Variants in KCNQ5 observed in about 807,000 individuals in gnomAD.
KCNQ5 encodes the protein potassium voltage-gated channel subfamily Q member 5.
Under a neutral mutation model 98.2 loss-of-function variants are expected in KCNQ5, and 30 were observed. The observed-to-expected ratio is 0.31, with a 90% CI of 0.23 to 0.41. The LOEUF (loss-of-function observed/expected upper bound fraction) is 0.41. Ranked by LOEUF, KCNQ5 falls within the 10% of genes least tolerant of loss-of-function variation. KCNQ5 has a pLI of 1.00. For synonymous variants in KCNQ5, 458 were observed against 449.4 expected, an observed-to-expected ratio of 1.02 and a Z score of -0.24; for missense variants, 835 against 1,182.5, an observed-to-expected ratio of 0.71 and a Z score of 4.31.
chr6:72,805,681 A>C (rs2150098480), intron 1 of KCNQ5, among the ~76,000 whole-genome samples: 1 of 152,110 alleles, frequency 6.6e-6, no homozygotes, highest in South Asian at 2.1e-4. Flanking sequence ...TAAATTTTAG[A>C]ATTGTTCTTT....
chr6:73,104,065 G>T (rs189146796), intron 5 of KCNQ5, among the ~76,000 whole-genome samples: 1 of 151,866 alleles, frequency 6.6e-6, no homozygotes, highest in Non-Finnish European at 1.5e-5. Context: ...GCTCACTTTT[G>T]CCACTTCTAT....
chr6:72,890,643 A>G (rs560843694), intron 1 of KCNQ5, among the ~76,000 whole-genome samples: 2 of 152,324 alleles, frequency 1.3e-5, no homozygotes, highest in East Asian at 1.9e-4. Flanking sequence ...GATCAAAACC[A>G]TCTTGCCGAG....
chr6:72,874,426 C>T (rs1778326518), intron 1 of KCNQ5, among the ~76,000 whole-genome samples: 1 of 152,070 alleles, frequency 6.6e-6, no homozygotes, highest in Admixed American at 6.6e-5. Flanking sequence ...GATGGTCTAT[C>T]TACATAAATA....
intron 1 of KCNQ5, among the ~76,000 whole-genome samples, chr6:72,890,376 A>C (rs1475891360): frequency 6.6e-6 from 1 of 152,204 alleles, no homozygotes; most frequent in Non-Finnish European, 1.5e-5. Context: ...TATATTGTAC[A>C]GCAGATCTCT....
chr6:73,006,138 C>T (rs1377232081), intron 2 of KCNQ5, among the ~76,000 whole-genome samples: 1 of 152,080 alleles, frequency 6.6e-6, no homozygotes, highest in Non-Finnish European at 1.5e-5. Context: ...TTGGAAAAGT[C>T]AATCATTAAG....
chr6:73,163,133 T>C (rs1350168221), intron 10 of KCNQ5, among the ~76,000 whole-genome samples: 1 of 152,188 alleles, frequency 6.6e-6, no homozygotes, highest in Non-Finnish European at 1.5e-5. Flanking sequence ...CTCACACCTG[T>C]AATTCCACAA....
At chr6:72,717,904 C>A (rs1769729916) in intron 1 of KCNQ5, among the ~76,000 whole-genome samples, 1 of 152,140 alleles carries the variant, frequency 6.6e-6, no homozygotes, top group African/African-American at 2.4e-5. Flanking sequence ...ATTCACTCAG[C>A]TTTTACGGTA....
chr6:73,117,371 C>T (rs958737707), intron 7 of KCNQ5, among the ~76,000 whole-genome samples: 3 of 152,196 alleles, frequency 2.0e-5, no homozygotes, highest in Admixed American at 2.0e-4. Context: ...GCCACCTGCA[C>T]CTTCCATACC....
At chr6:72,672,629 T>G (rs761212002) in intron 1 of KCNQ5, among the ~76,000 whole-genome samples, 5 of 152,094 alleles carry the variant, frequency 3.3e-5, no homozygotes, top group Non-Finnish European at 7.4e-5. Context: ...CTCCTGGGGC[T>G]TCAATTTCCT....
chr6:73,088,564 T>TA (rs1322546183), intron 5 of KCNQ5, among the ~76,000 whole-genome samples: 1 of 152,214 alleles, frequency 6.6e-6, no homozygotes, highest in East Asian at 1.9e-4. Flanking sequence ...TAATCTCAGT[T>TA]ATGCACATAG....
At chr6:72,760,515 G>A (rs1772215010) in intron 1 of KCNQ5, among the ~76,000 whole-genome samples, 1 of 151,738 alleles carries the variant, frequency 6.6e-6, no homozygotes, top group Admixed American at 6.6e-5. Flanking sequence ...GCCTGTGCAT[G>A]GGGTGAGGGG....
intron 1 of KCNQ5, among the ~76,000 whole-genome samples, chr6:72,710,463 A>G (rs1769310074): frequency 6.6e-6 from 1 of 152,216 alleles, no homozygotes; most frequent in East Asian, 1.9e-4. Flanking sequence ...TCACCTTAAA[A>G]TACACTCAGA....
intron 1 of KCNQ5, among the ~76,000 whole-genome samples, chr6:72,737,022 G>A (rs1770885212): frequency 6.6e-6 from 1 of 151,744 alleles, no homozygotes; most frequent in Non-Finnish European, 1.5e-5. Context: ...GAACAGTGGC[G>A]CGATCTCAGC....
At chr6:72,905,761 T>G (rs1337705690) in intron 1 of KCNQ5, among the ~76,000 whole-genome samples, 1 of 152,150 alleles carries the variant, frequency 6.6e-6, no homozygotes, top group Non-Finnish European at 1.5e-5. Context: ...TCTATGGGAC[T>G]CTCAACTATG....
intron 1 of KCNQ5, among the ~76,000 whole-genome samples, chr6:72,713,380 C>A (rs111232109): frequency 0.013 from 2,034 of 152,268 alleles, 34 homozygotes; most frequent in African/African-American, 0.042. Context: ...ATCCCATCAA[C>A]CTGTTCATCT....
At chr6:73,048,958 G>A (rs1356375241) in intron 3 of KCNQ5, among the ~76,000 whole-genome samples, 2 of 152,066 alleles carry the variant, frequency 1.3e-5, no homozygotes, top group East Asian at 1.9e-4. Context: ...TATTTCTTTT[G>A]AGAAATTGTC....
intron 1 of KCNQ5, among the ~76,000 whole-genome samples, chr6:72,762,835 TTTTCTC>T (rs1483900977): frequency 6.6e-6 from 1 of 152,102 alleles, no homozygotes; most frequent in African/African-American, 2.4e-5. Context: ...TTTAGTTAGA[TTTTCTC>T]TTTATTTACT....
chr6:73,185,578 C>T (rs185778033), intron 11 of KCNQ5, among the ~76,000 whole-genome samples: 1 of 152,066 alleles, frequency 6.6e-6, no homozygotes, highest in East Asian at 1.9e-4. Flanking sequence ...AATTGATTGG[C>T]TAGGGTTTTT....
intron 1 of KCNQ5, among the ~76,000 whole-genome samples, chr6:72,772,257 A>C (rs1772936074): frequency 6.6e-6 from 1 of 152,146 alleles, no homozygotes; most frequent in Admixed American, 6.6e-5. Context: ...CACATACAAA[A>C]TTTCAATGTA....
Sources: gnomAD v4.1 joint callset for allele counts (sites outside exome capture counted in the v4.1 genomes callset) on GRCh38, gnomAD v4.1.1 for gene constraint, MANE v1.5 for transcripts, NCBI Gene and HGNC (gene_info 2026-07-23, HGNC 2026-07-21) for gene names.